The following ROCK2 variants were observed in gnomAD, a reference collection of about 807,000 sequenced individuals.
ROCK2 encodes Rho associated coiled-coil containing protein kinase 2.
ROCK2 carries 61 observed loss-of-function variants against 195.1 expected under a neutral mutation model. The ratio of observed to expected loss-of-function variants is 0.31; its 90% confidence interval spans 0.25 to 0.39. The LOEUF (loss-of-function observed/expected upper bound fraction) is 0.39. Among genes scored for constraint, ROCK2 ranks in the 10% least tolerant of loss-of-function variants. The probability of loss-of-function intolerance (pLI) is 1.00; values close to 1 mark genes in which losing one functional copy is unlikely to be tolerated. For missense variants in ROCK2, 1,109 were observed against 1,637.4 expected (o/e 0.68, Z 5.57); for synonymous variants, 504 against 545.5 (o/e 0.92, Z 1.06).
At chr2:11,193,303 C>A (rs903562743) in intron 30 of ROCK2, among the ~76,000 whole-genome samples, 5 of 152,088 alleles carry the variant, frequency 3.3e-5, no homozygotes, top group Non-Finnish European at 7.4e-5. Flanking sequence ...AGAAGGAAAT[C>A]AGTAAGTCAT....
chr2:11,314,941 A>G (rs1257386621), intron 1 of ROCK2, among the ~76,000 whole-genome samples: 1 of 152,066 alleles, frequency 6.6e-6, no homozygotes, highest in Non-Finnish European at 1.5e-5. Flanking sequence ...GCATATTCTT[A>G]TCCATAAGCA....
intron 32 of ROCK2, among the ~76,000 whole-genome samples, chr2:11,186,176 T>C (rs1283328272): frequency 2.0e-5 from 3 of 152,302 alleles, no homozygotes; most frequent in Non-Finnish European, 4.4e-5. Flanking sequence ...CAAACAGATA[T>C]AATTACTCAC....
chr2:11,344,731 C>G (rs1669240525), upstream of ROCK2: 1 of 149,494 alleles, frequency 6.7e-6, no homozygotes. The surrounding 1 kb of genome is among the most constrained non-coding windows in gnomAD (Gnocchi z 5.4). Flanking sequence ...CCGCCCCGCC[C>G]CGCGCACCGC....
At chr2:11,314,752 G>C (rs1216825216) in intron 1 of ROCK2, among the ~76,000 whole-genome samples, 3 of 151,822 alleles carry the variant, frequency 2.0e-5, no homozygotes, top group African/African-American at 7.3e-5. Flanking sequence ...GATAAAGCCA[G>C]GCAAATATGA....
In ROCK2 at chr2:11,197,323, C is replaced by A. The variant is rs766071383; in HGVS notation, c.3305G>T (p.Arg1102Leu). 2 of 1,613,466 alleles carry A rather than the reference C, an allele frequency of 1.2e-6. No homozygotes were observed. The highest frequency in any genetic ancestry group is 1.7e-6 in the Non-Finnish European group (2 of 1,179,806). The change falls in exon 27 of 33, where the codon CGA becomes CTA. Residue 1102 changes from arginine (R) to leucine (L), a missense_variant. Physicochemically the swap from Arg to Leu is moderately radical, Grantham distance 102. This residue lies in a region of ROCK2 where 221 missense variants were observed against 355.1 expected (regional missense o/e 0.62). Coordinates refer to ENST00000315872, the MANE Select transcript of ROCK2 (RefSeq NM_004850.5). The surrounding 1 kb of genome is among the most constrained non-coding windows in gnomAD (Gnocchi z 4.9). ...GTCCAATGTCATCTGCAGTTCAATT[C>A]GAATCTGGCTCTCTTCAGCTATTTG... ...QAQIAEESQIRIELQMTLDSK... is the reference protein window; with the variant it reads ...QAQIAEESQILIELQMTLDSK...
At chr2:11,295,959 A>G (rs1276708904) in intron 1 of ROCK2, among the ~76,000 whole-genome samples, 4 of 112,886 alleles carry the variant, frequency 3.5e-5, no homozygotes, top group African/African-American at 1.2e-4. Context: ...TCCATCTCAA[A>G]AAACAAAAGA....
intron 1 of ROCK2, among the ~76,000 whole-genome samples, chr2:11,317,627 T>TTTTTTTTC (rs1192587957): frequency 3.2e-5 from 1 of 31,444 alleles, no homozygotes; most frequent in East Asian, 1.6e-3. Context: ...TTTTTTTTTT[T>TTTTTTTTC]AATTATACTT....
intron 20 of ROCK2, among the ~76,000 whole-genome samples, chr2:11,204,056 G>A (rs1003477014): frequency 2.6e-5 from 4 of 152,258 alleles, no homozygotes; most frequent in Non-Finnish European, 5.9e-5. Context: ...AGAACAGAAG[G>A]AAGAAATTAC....
chr2:11,249,280 CAT>C (rs1408787137), intron 4 of ROCK2, among the ~76,000 whole-genome samples: 3 of 152,104 alleles, frequency 2.0e-5, no homozygotes, highest in Non-Finnish European at 4.4e-5. Flanking sequence ...CATATGTACA[CAT>C]GTGCCATGTT....
At chr2:11,343,499 A>G (rs946662310) in intron 1 of ROCK2, among the ~76,000 whole-genome samples, 1 of 152,224 alleles carries the variant, frequency 6.6e-6, no homozygotes, top group Non-Finnish European at 1.5e-5. Flanking sequence ...GAAAACAGCA[A>G]AACTTTAGCT....
intron 32 of ROCK2, among the ~76,000 whole-genome samples, chr2:11,188,067 T>A (rs1663262936): frequency 6.6e-6 from 1 of 151,720 alleles, no homozygotes; most frequent in South Asian, 2.1e-4. Context: ...AGAAAAATAA[T>A]TAAAGAGAAA....
chr2:11,296,049 A>AGAGAGAGAGAGAGAGAGAGAGAGG, intron 1 of ROCK2, among the ~76,000 whole-genome samples: 1 of 148,646 alleles, frequency 6.7e-6, no homozygotes, highest in South Asian at 2.1e-4. Context: ...AGAGAGAGAG[A>AGAGAGAGAGAGAGAGAGAGAGAGG]GAAAACAAAG....
intron 4 of ROCK2, among the ~76,000 whole-genome samples, chr2:11,238,244 G>T (rs555322763): frequency 9.3e-6 from 1 of 107,138 alleles, no homozygotes; most frequent in Non-Finnish European, 2.2e-5. Context: ...GTGTGTGTCT[G>T]TTGTGTGTGT....
intron 3 of ROCK2, among the ~76,000 whole-genome samples, chr2:11,280,488 A>G (rs1666962862): frequency 6.6e-6 from 1 of 151,298 alleles, no homozygotes. Flanking sequence ...AAATTGAGCC[A>G]TTCATGGTGG....
intron 3 of ROCK2, among the ~76,000 whole-genome samples, chr2:11,252,938 GTATAATAAT>G (rs895048533): frequency 4.7e-5 from 6 of 127,148 alleles, no homozygotes; most frequent in African/African-American, 1.8e-4. Context: ...GAACTTAAAA[GTATAATAAT>G]AATAATAATA....
chr2:11,222,923 C>T (rs1664685693), intron 7 of ROCK2, among the ~76,000 whole-genome samples: 1 of 152,084 alleles, frequency 6.6e-6, no homozygotes, highest in African/African-American at 2.4e-5. Context: ...TGCCCCATGA[C>T]TACTAATTCA....
chr2:11,283,000 C>G (rs185944149), intron 3 of ROCK2, among the ~76,000 whole-genome samples: 1 of 152,174 alleles, frequency 6.6e-6, no homozygotes, highest in African/African-American at 2.4e-5. Context: ...GGCGTGGTGG[C>G]TCATGCCTAT....
At position 11,330,740 on chromosome 2, in the gene ROCK2, G is replaced by GGGAGGGGAGGAGGGAGGA. The variant is rs1668694458; in HGVS notation, c.141+13255_141+13256insTCCTCCCTCCTCCCCTCC. Among the ~76,000 whole-genome samples the GGGAGGGGAGGAGGGAGGA allele has an allele frequency of 4.6e-5, 2 of 43,260 alleles. 1 individual carries two copies. Among genetic ancestry groups the GGGAGGGGAGGAGGGAGGA allele is most frequent in the Non-Finnish European group, 9.3e-5 (2 of 21,456 alleles). 28.4% of individuals were successfully genotyped at this position (43,260 alleles called of 152,430 possible). On this transcript the variant is annotated intron_variant, in intron 1 of 32. Coordinates refer to ENST00000315872, the MANE Select transcript of ROCK2 (RefSeq NM_004850.5). ...GACAAGGGAGGAGGGAAGATGAGGA[G>GGGAGGGGAGGAGGGAGGA]GGAGGAGGGAGGAGGAGGAGGGAGG...
chr2:11,343,654 T>C (rs928250234), intron 1 of ROCK2, among the ~76,000 whole-genome samples: 3 of 152,114 alleles, frequency 2.0e-5, no homozygotes, highest in Non-Finnish European at 4.4e-5. Context: ...CACTTTCAAA[T>C]CAGCTAACCT....
Sources: allele counts gnomAD v4.1 joint callset (sites outside exome capture counted in the v4.1 genomes callset), GRCh38; gene constraint gnomAD v4.1.1; regional missense constraint gnomAD v4.1.1; non-coding constraint Gnocchi (gnomAD v3.1); transcripts MANE v1.5; gene names NCBI Gene and HGNC (gene_info 2026-07-23, HGNC 2026-07-21).